The following CTNNA2 variants were observed in gnomAD, a reference collection of about 807,000 sequenced individuals.
The protein encoded by CTNNA2 is catenin alpha-2.
Under a neutral mutation model 101.0 loss-of-function variants are expected in CTNNA2, and 42 were observed. The ratio of observed to expected loss-of-function variants is 0.42; its 90% CI spans 0.32 to 0.54. CTNNA2 has a LOEUF of 0.54. CTNNA2 is among the 20% of genes least tolerant of loss of function. The pLI is 0.14. For missense variants in CTNNA2, 871 were observed against 1,223.1 expected, an observed-to-expected ratio of 0.71 and a Z score of 4.29; for synonymous variants, 450 against 456.4, an observed-to-expected ratio of 0.99 and a Z score of 0.18.
intron 4 of CTNNA2, among the ~76,000 whole-genome samples, chr2:79,865,792 T>C (rs1429651163): frequency 1.3e-5 from 2 of 152,242 alleles, no homozygotes; most frequent in African/African-American, 4.8e-5. Flanking sequence ...CGATCTCGGC[T>C]CACTGCAAGC....
intron 1 of CTNNA2, among the ~76,000 whole-genome samples, chr2:79,632,855 T>C (rs897655609): frequency 1.3e-5 from 2 of 152,186 alleles, no homozygotes; most frequent in East Asian, 3.9e-4. Context: ...ATAATAAATA[T>C]TTCATATGTG....
intron 3 of CTNNA2, among the ~76,000 whole-genome samples, chr2:79,753,303 G>A (rs545279541): frequency 1.2e-4 from 18 of 152,206 alleles, no homozygotes; most frequent in African/African-American, 3.4e-4. Context: ...GTTCACATAC[G>A]GTAGTCAGTA....
chr2:80,396,699 T>A (rs1354022706), intron 8 of CTNNA2, among the ~76,000 whole-genome samples: 7 of 152,206 alleles, frequency 4.6e-5, no homozygotes, highest in Admixed American at 4.6e-4. Flanking sequence ...AGTCCCTGAT[T>A]TTCCAAGTTG....
At chr2:80,299,104 A>G (rs1167127395) in intron 7 of CTNNA2, 1 of 152,224 alleles carries the variant, frequency 6.6e-6, no homozygotes, top group Admixed American at 6.5e-5. Context: ...CACAATGCCC[A>G]GGACGAGACG....
intron 7 of CTNNA2, among the ~76,000 whole-genome samples, chr2:79,949,811 A>G (rs188046714): frequency 2.6e-5 from 4 of 152,312 alleles, no homozygotes; most frequent in Admixed American, 2.6e-4. Flanking sequence ...ATTAGCTTCT[A>G]AAATACTTGA....
chr2:79,957,559 C>G (rs1034779660), intron 7 of CTNNA2, among the ~76,000 whole-genome samples: 1 of 152,196 alleles, frequency 6.6e-6, no homozygotes, highest in African/African-American at 2.4e-5. Context: ...CTTTCCCATA[C>G]CTCTTCAGGG....
intron 1 of CTNNA2, 137 bp from the exon 2 acceptor site, chr2:79,651,415 C>A: frequency 1.3e-6 from 1 of 773,782 alleles, no homozygotes; most frequent in Non-Finnish European, 2.1e-6. Context: ...TTTTCCATCT[C>A]TAATTTGACC....
chr2:79,778,775 T>TTAGA (rs910625944), intron 3 of CTNNA2, among the ~76,000 whole-genome samples: 55 of 152,210 alleles, frequency 3.6e-4, no homozygotes, highest in African/African-American at 1.3e-3. Flanking sequence ...CATGTATCTC[T>TTAGA]TAGACAAGAA....
At chr2:79,245,118 A>C (rs1674682764) in intron 2 of CTNNA2, among the ~76,000 whole-genome samples, 2 of 151,944 alleles carry the variant, frequency 1.3e-5, no homozygotes, top group Admixed American at 6.6e-5. Flanking sequence ...AAAAGGAAAG[A>C]AATCAGTGTG....
intron 7 of CTNNA2, among the ~76,000 whole-genome samples, chr2:80,042,177 C>CTGGT (rs1202758330): frequency 2.6e-5 from 4 of 152,194 alleles, no homozygotes; most frequent in Admixed American, 2.6e-4. Flanking sequence ...GTTGACCAGG[C>CTGGT]TGGTCTTGAA....
At chr2:79,229,467 A>G (rs996757379) in intron 2 of CTNNA2, among the ~76,000 whole-genome samples, 1 of 152,156 alleles carries the variant, frequency 6.6e-6, no homozygotes, top group Non-Finnish European at 1.5e-5. Context: ...CCATATAAGA[A>G]GTGCCCTCCA....
chr2:79,627,694 G>A (rs1475373360), intron 1 of CTNNA2, among the ~76,000 whole-genome samples: 1 of 152,088 alleles, frequency 6.6e-6, no homozygotes, highest in Non-Finnish European at 1.5e-5. Flanking sequence ...TTGATCTTTT[G>A]TGCTTCAAAT....
intron 3 of CTNNA2, among the ~76,000 whole-genome samples, chr2:79,350,073 CAAAAA>C (rs59503765): frequency 2.3e-3 from 132 of 57,474 alleles, no homozygotes; most frequent in African/African-American, 7.9e-3. Context: ...GACTCCTTCT[CAAAAA>C]AAAAAAAAAA....
In CTNNA2 at chr2:79,936,855, CTT is replaced by C. The variant is rs1687826219; in HGVS notation, c.1056+27059_1056+27060del. 3.9e-5 allele frequency among the ~76,000 whole-genome samples: 6 copies of C among 152,268 alleles called. No homozygotes were observed. In the South Asian group the frequency reaches 1.0e-3, roughly 26 times the overall value. On this transcript the variant is annotated intron_variant, in intron 7 of 18. Transcript: ENST00000402739. The stretch of plus-strand genomic sequence containing the variant: ...TGAAGAGTCTTGAAGCTTGAAGTCT[CTT>C]AGATTTTTCTCTTATCTCCTCCCCA...
intron 7 of CTNNA2, among the ~76,000 whole-genome samples, chr2:80,240,036 A>G (rs1443361427): frequency 6.6e-6 from 1 of 152,230 alleles, no homozygotes; most frequent in Non-Finnish European, 1.5e-5. Context: ...GGTTGCCCAC[A>G]GTTAGCTGAA....
At chr2:80,329,592 G>A (rs766776926) in intron 7 of CTNNA2, among the ~76,000 whole-genome samples, 19 of 152,244 alleles carry the variant, frequency 1.2e-4, no homozygotes, top group South Asian at 1.2e-3. Flanking sequence ...GTTAGGATGC[G>A]GTGGGAAGTA....
intron 2 of CTNNA2, among the ~76,000 whole-genome samples, chr2:79,678,096 A>T (rs922343100): frequency 1.3e-5 from 2 of 152,198 alleles, no homozygotes; most frequent in African/African-American, 2.4e-5. Flanking sequence ...TACAGAAAGC[A>T]AATTATATAC....
chr2:80,477,483 A>G (rs562975018), intron 9 of CTNNA2, among the ~76,000 whole-genome samples: 1 of 152,156 alleles, frequency 6.6e-6, no homozygotes, highest in East Asian at 1.9e-4. Flanking sequence ...TGTACCCACT[A>G]GGTAATTTTT....
At chr2:79,411,086 T>C (rs923835508) in intron 4 of CTNNA2, among the ~76,000 whole-genome samples, 5 of 152,036 alleles carry the variant, frequency 3.3e-5, no homozygotes, top group Non-Finnish European at 7.4e-5. Flanking sequence ...GTTTATTTGC[T>C]TAGAGTTGTT....
Sources: gnomAD v4.1 joint callset for allele counts (sites outside exome capture counted in the v4.1 genomes callset) on GRCh38, gnomAD v4.1.1 for gene constraint, MANE v1.5 for transcripts, NCBI Gene and HGNC (gene_info 2026-07-23, HGNC 2026-07-21) for gene names.